Variants in GALNTL6 observed in about 807,000 individuals in gnomAD.
GALNTL6 encodes the protein polypeptide N-acetylgalactosaminyltransferase like 6.
A neutral mutation model predicts 73.7 loss-of-function variants in GALNTL6; 46 were observed. The observed-to-expected ratio is 0.62, with a 90% CI of 0.49 to 0.80. The LOEUF (loss-of-function observed/expected upper bound fraction) is 0.80, where lower values mean the gene tolerates loss of function less well. GALNTL6 is among the 30% of genes least tolerant of loss of function. GALNTL6 has a pLI of 0.00. For missense variants in GALNTL6, 604 were observed against 755.0 expected, an observed-to-expected ratio of 0.80 and a Z score of 2.34; for synonymous variants, 259 against 263.7, an observed-to-expected ratio of 0.98 and a Z score of 0.17.
intron 5 of GALNTL6, among the ~76,000 whole-genome samples, chr4:172,757,751 C>CAATT (rs1737833343): frequency 6.6e-6 from 1 of 152,138 alleles, no homozygotes; most frequent in African/African-American, 2.4e-5. Context: ...CCTACATAAA[C>CAATT]AATTGAATGT....
intron 2 of GALNTL6, among the ~76,000 whole-genome samples, chr4:171,942,189 G>A (rs1314892331): frequency 1.3e-5 from 2 of 150,876 alleles, no homozygotes; most frequent in Non-Finnish European, 2.9e-5. Context: ...TCAGGAGGTT[G>A]AGACCAGCCT....
chr4:172,940,872 T>C (rs1040516597), intron 9 of GALNTL6, among the ~76,000 whole-genome samples: 1 of 152,068 alleles, frequency 6.6e-6, no homozygotes, highest in Non-Finnish European at 1.5e-5. Context: ...GGGGTCTCAC[T>C]ATGTTGCTAA....
At chr4:172,330,931 T>TAAAAA (rs1246377840) in intron 4 of GALNTL6, among the ~76,000 whole-genome samples, 1 of 152,170 alleles carries the variant, frequency 6.6e-6, no homozygotes, top group Non-Finnish European at 1.5e-5. Context: ...ACTGACCTTT[T>TAAAAA]ATTCTGCAGT....
chr4:171,920,638 A>T (rs1578973244), intron 2 of GALNTL6, among the ~76,000 whole-genome samples: 1 of 152,176 alleles, frequency 6.6e-6, no homozygotes, highest in African/African-American at 2.4e-5. Context: ...TAGTACATCA[A>T]CTCCAGAAAA....
At chr4:172,409,864 GA>G (rs1254321713) in intron 5 of GALNTL6, among the ~76,000 whole-genome samples, 17 of 152,012 alleles carry the variant, frequency 1.1e-4, no homozygotes, top group African/African-American at 4.1e-4. Flanking sequence ...TGAAAAGAAA[GA>G]AGTTCACATT....
intron 2 of GALNTL6, among the ~76,000 whole-genome samples, chr4:171,872,743 C>T (rs1468855596): frequency 6.6e-6 from 1 of 152,128 alleles, no homozygotes; most frequent in African/African-American, 2.4e-5. Context: ...GTAAGAACAC[C>T]AGTCATATTG....
At chr4:172,247,248 C>T (rs933297679) in intron 3 of GALNTL6, among the ~76,000 whole-genome samples, 21 of 152,136 alleles carry the variant, frequency 1.4e-4, no homozygotes, top group Non-Finnish European at 2.8e-4. Context: ...CCAAATTCAG[C>T]ATCTCTCTAC....
At chr4:172,131,258 T>G (rs1484037971) in intron 2 of GALNTL6, among the ~76,000 whole-genome samples, 1 of 151,376 alleles carries the variant, frequency 6.6e-6, no homozygotes, top group Non-Finnish European at 1.5e-5. Context: ...AATCTCTTCC[T>G]TTTTGTAAAT....
chr4:172,859,982 C>A (rs1394390924), intron 7 of GALNTL6, among the ~76,000 whole-genome samples: 2 of 152,144 alleles, frequency 1.3e-5, no homozygotes, highest in Non-Finnish European at 2.9e-5. Flanking sequence ...ATAATTATTT[C>A]ATTATACATT....
chr4:172,040,397 A>G (rs1742050968), intron 2 of GALNTL6, among the ~76,000 whole-genome samples: 1 of 151,814 alleles, frequency 6.6e-6, no homozygotes, highest in Non-Finnish European at 1.5e-5. Context: ...TGCCACTTTT[A>G]TGCTTTTTAC....
chr4:172,474,634 G>A (rs1417774720), intron 5 of GALNTL6, among the ~76,000 whole-genome samples: 1 of 152,066 alleles, frequency 6.6e-6, no homozygotes, highest in East Asian at 1.9e-4. Context: ...AGAAATATTG[G>A]CATTTCCAGA....
At chr4:172,137,680 A>G (rs1733674487) in intron 2 of GALNTL6, among the ~76,000 whole-genome samples, 1 of 152,188 alleles carries the variant, frequency 6.6e-6, no homozygotes, top group Non-Finnish European at 1.5e-5. Context: ...AAGGGTAGGT[A>G]AGAAACCACA....
chr4:172,890,104 T>C (rs1745949404), intron 8 of GALNTL6, among the ~76,000 whole-genome samples: 1 of 152,178 alleles, frequency 6.6e-6, no homozygotes, highest in Non-Finnish European at 1.5e-5. Flanking sequence ...TAATGCCTTC[T>C]TTGTCATTTC....
intron 2 of GALNTL6, among the ~76,000 whole-genome samples, chr4:171,936,102 C>T (rs985786953): frequency 6.6e-6 from 1 of 152,146 alleles, no homozygotes; most frequent in African/African-American, 2.4e-5. Context: ...CAGTTTCCTA[C>T]ATTAGTAAGG....
At chr4:171,855,256 C>G (rs1253337628) in intron 2 of GALNTL6, among the ~76,000 whole-genome samples, 1 of 152,174 alleles carries the variant, frequency 6.6e-6, no homozygotes, top group African/African-American at 2.4e-5. Flanking sequence ...TAAAAATCTC[C>G]TGCACTCCAC....
chr4:171,865,757 C>T (rs1224556766), intron 2 of GALNTL6, among the ~76,000 whole-genome samples: 1 of 152,282 alleles, frequency 6.6e-6, no homozygotes, highest in East Asian at 1.9e-4. Flanking sequence ...GAAGGCAAAA[C>T]TTCAATATGC....
At chr4:172,391,333 A>G (rs1240674695) in intron 5 of GALNTL6, among the ~76,000 whole-genome samples, 2 of 152,080 alleles carry the variant, frequency 1.3e-5, no homozygotes, top group African/African-American at 2.4e-5. Flanking sequence ...AGCCACTTCT[A>G]TTCTTTTACT....
chr4:171,945,528 T>C (rs767888358), intron 2 of GALNTL6, among the ~76,000 whole-genome samples: 10 of 152,154 alleles, frequency 6.6e-5, no homozygotes, highest in Non-Finnish European at 1.3e-4. Context: ...GATCAATCTA[T>C]TCGTTTTCAT....
intron 3 of GALNTL6, among the ~76,000 whole-genome samples, chr4:172,294,567 G>A (rs1739595777): frequency 6.6e-6 from 1 of 151,874 alleles, no homozygotes. Flanking sequence ...AATAAATGAG[G>A]ATAGGAGGGG....
Sources: allele counts gnomAD v4.1 joint callset (sites outside exome capture counted in the v4.1 genomes callset), GRCh38; gene constraint gnomAD v4.1.1; transcripts MANE v1.5; gene names NCBI Gene and HGNC (gene_info 2026-07-23, HGNC 2026-07-21).